ZC3H12B: variants seen among roughly 807,000 people sequenced by gnomAD.
The protein encoded by ZC3H12B is zinc finger CCCH-type containing 12B, also known as probable ribonuclease ZC3H12B.
Under a neutral mutation model 43.9 loss-of-function variants are expected in ZC3H12B, and 7 were observed. The ratio of observed to expected loss-of-function variants is 0.16; its 90% confidence interval spans 0.09 to 0.30. The LOEUF (loss-of-function observed/expected upper bound fraction) is 0.30. Among genes scored for constraint, ZC3H12B ranks in the 10% least tolerant of loss-of-function variants. The probability of loss-of-function intolerance (pLI) is 1.00; values close to 1 mark genes in which losing one functional copy is unlikely to be tolerated. For missense variants in ZC3H12B, 475 were observed against 670.2 expected (o/e 0.71, Z 3.22); for synonymous variants, 222 against 241.7 (o/e 0.92, Z 0.76).
At chrX:65,468,924 G>A (rs2148191139) in intron 3 of ZC3H12B, among the ~76,000 whole-genome samples, 1 of 109,371 alleles carries the variant, frequency 9.1e-6, no homozygotes, top group African/African-American at 3.3e-5. Context: ...CACTGGGCCA[G>A]TGGGGCTTTG....
At chrX:65,142,877 T>C in the ZC3H12B span, among the ~76,000 whole-genome samples, 1 of 112,524 alleles carries the variant, frequency 8.9e-6, no homozygotes, top group African/African-American at 3.2e-5. Flanking sequence ...TTTATACCAG[T>C]ACCATACTGT....
intron 3 of ZC3H12B, among the ~76,000 whole-genome samples, chrX:65,454,513 C>T (rs746859618): frequency 8.9e-6 from 1 of 112,175 alleles, no homozygotes; most frequent in South Asian, 3.7e-4. Flanking sequence ...CACCACAGCT[C>T]AAGGAGGCCT....
At chrX:65,492,624 T>C (rs995565271) in intron 1 of ZC3H12B, among the ~76,000 whole-genome samples, 1 of 112,156 alleles carries the variant, frequency 8.9e-6, no homozygotes, top group Non-Finnish European at 1.9e-5. Context: ...TATTCTGCAA[T>C]CACATTTCAC....
chrX:65,055,653 G>C, the ZC3H12B span, among the ~76,000 whole-genome samples: 4 of 111,853 alleles, frequency 3.6e-5, no homozygotes, highest in Non-Finnish European at 5.6e-5. Flanking sequence ...AATAGTTTCA[G>C]AGGGAATGGT....
intron 2 of ZC3H12B, among the ~76,000 whole-genome samples, chrX:65,372,268 G>A (rs1285147570): frequency 1.8e-5 from 2 of 111,765 alleles, no homozygotes; most frequent in Non-Finnish European, 3.8e-5. Flanking sequence ...TAGATGATGA[G>A]ACTATATGTA....
chrX:65,431,530 G>A (rs1316377331), intron 3 of ZC3H12B, among the ~76,000 whole-genome samples: 1 of 112,156 alleles, frequency 8.9e-6, no homozygotes, highest in Non-Finnish European at 1.9e-5. Flanking sequence ...TGAGCCCAAT[G>A]GGCAATTATA....
chrX:65,171,213 G>A, the ZC3H12B span, among the ~76,000 whole-genome samples: 9 of 111,038 alleles, frequency 8.1e-5, no homozygotes, highest in East Asian at 5.7e-4. Context: ...AGTACAGGTC[G>A]GGTTTCGGTG....
the ZC3H12B span, among the ~76,000 whole-genome samples, chrX:65,183,660 G>A: frequency 9.0e-6 from 1 of 111,694 alleles, no homozygotes; most frequent in Non-Finnish European, 1.9e-5. Flanking sequence ...TTTTCCTGAT[G>A]GAAATAAAGG....
the ZC3H12B span, among the ~76,000 whole-genome samples, chrX:65,135,593 G>C: frequency 9.2e-6 from 1 of 109,282 alleles, no homozygotes; most frequent in Non-Finnish European, 1.9e-5. Context: ...TGTAACGCAG[G>C]CTAAATTTGG....
chrX:65,158,221 C>G, the ZC3H12B span, among the ~76,000 whole-genome samples: 1 of 109,633 alleles, frequency 9.1e-6, no homozygotes, highest in Non-Finnish European at 1.9e-5. Flanking sequence ...TGAATAGTGC[C>G]GCAATAAACA....
At chrX:65,311,140 A>G in the ZC3H12B span, among the ~76,000 whole-genome samples, 1 of 112,289 alleles carries the variant, frequency 8.9e-6, no homozygotes, top group Admixed American at 9.4e-5. Flanking sequence ...GCCAAAATAG[A>G]CAAGTGGGAT....
At chrX:65,419,527 G>A (rs902827260) in intron 3 of ZC3H12B, among the ~76,000 whole-genome samples, 2 of 111,506 alleles carry the variant, frequency 1.8e-5, no homozygotes, top group Non-Finnish European at 3.8e-5. Context: ...AAATTGAATA[G>A]GGTAGGAAGG....
chrX:65,251,500 A>G, the ZC3H12B span, among the ~76,000 whole-genome samples: 9,186 of 111,018 alleles, frequency 0.083, 1,029 homozygotes, highest in African/African-American at 0.29. Context: ...CTTGATGGGG[A>G]TGGCATTGAA....
the ZC3H12B span, among the ~76,000 whole-genome samples, chrX:65,119,817 T>A: frequency 7.1e-5 from 8 of 112,113 alleles, no homozygotes; most frequent in Non-Finnish European, 7.5e-5. Flanking sequence ...CTGAATTAAT[T>A]TTTGTATAAG....
At chrX:65,357,328 TG>T in the ZC3H12B span, 2 of 261,339 alleles carry the variant, frequency 7.7e-6, no homozygotes, top group Admixed American at 5.1e-5. Context: ...TTCGGGATTT[TG>T]GGCAGATCCT....
At chrX:65,152,300 T>C in the ZC3H12B span, among the ~76,000 whole-genome samples, 1 of 111,678 alleles carries the variant, frequency 9.0e-6, no homozygotes, top group Non-Finnish European at 1.9e-5. Flanking sequence ...TTGTCCCTTT[T>C]TGCAGATGAC....
chrX:65,442,498 T>TA (rs1383039949), intron 3 of ZC3H12B, among the ~76,000 whole-genome samples: 1 of 111,156 alleles, frequency 9.0e-6, no homozygotes, highest in Non-Finnish European at 1.9e-5. Context: ...TGACCAGTTG[T>TA]GCATCTAAAC....
chrX:65,487,552 CA>C (rs11308550), upstream of ZC3H12B, among the ~76,000 whole-genome samples: 25,802 of 106,515 alleles, frequency 0.24, 7,373 homozygotes, highest in African/African-American at 0.81. Context: ...AAAAACAAAC[CA>C]AAAAAAAACA....
At chrX:65,493,654 GC>G (rs1228626134) in intron 1 of ZC3H12B, among the ~76,000 whole-genome samples, 1 of 111,416 alleles carries the variant, frequency 9.0e-6, no homozygotes, top group Non-Finnish European at 1.9e-5. Flanking sequence ...AGAGGGTGGG[GC>G]TAATGACCTA....
Sources: gnomAD v4.1 joint callset for allele counts (sites outside exome capture counted in the v4.1 genomes callset) on GRCh38, gnomAD v4.1.1 for gene constraint, MANE v1.5 for transcripts, NCBI Gene and HGNC (gene_info 2026-07-23, HGNC 2026-07-21) for gene names.